ANO1: variants seen among roughly 807,000 people sequenced by gnomAD.
The protein encoded by ANO1 is anoctamin 1, also known as anoctamin-1.
In ANO1, 59 loss-of-function variants were observed where a neutral mutation model predicts 124.0. The observed-to-expected ratio is 0.48, with a 90% CI of 0.39 to 0.59. The LOEUF (loss-of-function observed/expected upper bound fraction) is 0.59, where lower values mean the gene tolerates loss of function less well. ANO1 is among the 20% of genes least tolerant of loss of function. ANO1 has a pLI of 0.00. For missense variants in ANO1, 1,059 were observed against 1,328.0 expected (o/e 0.80, Z 3.15); for synonymous variants, 529 against 532.0 (o/e 0.99, Z 0.08).
chr11:69,997,000 C>T (rs1377308392), intron 1 of ANO1, among the ~76,000 whole-genome samples: 1 of 152,144 alleles, frequency 6.6e-6, no homozygotes, highest in South Asian at 2.1e-4. Context: ...GGCCATGAGA[C>T]CTTAATGTGG....
At position 70,169,205 on chromosome 11, in the gene ANO1, T is replaced by C. The variant is rs551917160; in HGVS notation, c.2198-1682T>C. ...GATTTATTTTCCTAGTGGCTGGACA[T>C]CACGTCCCGAGTTCCTGACGGGTTT... On this transcript the variant is annotated intron_variant, in intron 21 of 25. Coordinates refer to ENST00000355303, the MANE Select transcript of ANO1 (RefSeq NM_018043.7). Among the ~76,000 whole-genome samples the C allele has an allele frequency of 2.0e-5, 3 of 152,224 alleles. No individual in the cohort carries two copies. The South Asian group carries it at 6.2e-4, about 32-fold the overall frequency.
At chr11:70,158,003 C>A (rs1372874965) in intron 16 of ANO1, among the ~76,000 whole-genome samples, 6 of 143,082 alleles carry the variant, frequency 4.2e-5, no homozygotes, top group East Asian at 2.0e-4. Flanking sequence ...AAAAAAAAAA[C>A]CTGTTTATGT....
intron 22 of ANO1, among the ~76,000 whole-genome samples, chr11:70,173,046 C>T (rs1382417067): frequency 6.6e-6 from 1 of 152,202 alleles, no homozygotes; most frequent in Non-Finnish European, 1.5e-5. Flanking sequence ...CCCCTAGTGG[C>T]AAGCCCAGCA....
At chr11:70,005,882 T>C (rs1163815686) in intron 1 of ANO1, among the ~76,000 whole-genome samples, 1 of 152,220 alleles carries the variant, frequency 6.6e-6, no homozygotes, top group East Asian at 1.9e-4. Context: ...ACGTGAAGAC[T>C]CTTCCTCTTT....
At chr11:69,970,662 C>G in the ANO1 span, among the ~76,000 whole-genome samples, 1 of 152,096 alleles carries the variant, frequency 6.6e-6, no homozygotes, top group African/African-American at 2.4e-5. Flanking sequence ...GAGTGGGGAC[C>G]CAGGGAAGGC....
chr11:70,176,999 A>G (rs2048727208), intron 22 of ANO1, among the ~76,000 whole-genome samples: 1 of 152,136 alleles, frequency 6.6e-6, no homozygotes, highest in Non-Finnish European at 1.5e-5. Flanking sequence ...GGACGTAGAT[A>G]TCCTGCAGAC....
At chr11:70,032,384 C>T (rs1399443237) in intron 1 of ANO1, among the ~76,000 whole-genome samples, 1 of 152,090 alleles carries the variant, frequency 6.6e-6, no homozygotes, top group Non-Finnish European at 1.5e-5. Context: ...CTGGGAGAAG[C>T]TGGGAATCTA....
Position 70,111,628 on chromosome 11 carries a change from C to G in ANO1, c.800-79C>G, listed in dbSNP as rs4980588. The stretch of plus-strand genomic sequence containing the variant: ...AGAAGCTCTTAGTGGCTGAGATGGC[C>G]CTGTGACCGCTGTGACTTTACAATG... On this transcript the variant is annotated intron_variant, in intron 6 of 25. Transcript: ENST00000355303. 2.8e-3 allele frequency: 3,944 copies of G among 1,402,220 alleles called. 13 individuals are homozygous for G. The highest frequency in any genetic ancestry group is 3.4e-3 in the Non-Finnish European group (3,408 of 988,970). 86.9% of individuals were successfully genotyped at this position (1,402,220 alleles called of 1,614,324 possible). A position where few individuals can be genotyped will look rare whatever the true frequency, so the allele number is the denominator to read the frequency against.
chr11:70,044,858 T>C (rs1857235739), intron 1 of ANO1, among the ~76,000 whole-genome samples: 1 of 152,168 alleles, frequency 6.6e-6, no homozygotes, highest in Admixed American at 6.5e-5. Flanking sequence ...TGATCTTAGA[T>C]TGAATCCTGG....
At chr11:70,101,381 C>T (rs2045266470) in intron 2 of ANO1, among the ~76,000 whole-genome samples, 1 of 151,788 alleles carries the variant, frequency 6.6e-6, no homozygotes, top group Non-Finnish European at 1.5e-5. Flanking sequence ...CATGGTGAAA[C>T]CCCGTCTCTA....
upstream of ANO1, among the ~76,000 whole-genome samples, chr11:69,983,339 G>A (rs978928460): frequency 1.3e-5 from 2 of 152,020 alleles, no homozygotes; most frequent in Non-Finnish European, 2.9e-5. Context: ...CTCCCTCGCC[G>A]CCTCGCCAAA....
chr11:69,985,892 A>AG (rs1371155372), upstream of ANO1: 1 of 151,992 alleles, frequency 6.6e-6, no homozygotes, highest in Admixed American at 6.5e-5. Context: ...GCCGAGGGGG[A>AG]GGAGCGGCGC....
chr11:70,161,991 G>C (rs1196419882), intron 18 of ANO1, among the ~76,000 whole-genome samples: 4 of 149,296 alleles, frequency 2.7e-5, no homozygotes, highest in Admixed American at 2.6e-4. Flanking sequence ...GTGAGGACCC[G>C]GGAGTGAGGG....
intron 2 of ANO1, among the ~76,000 whole-genome samples, chr11:70,091,149 G>T (rs1311620666): frequency 1.3e-5 from 2 of 152,218 alleles, no homozygotes; most frequent in African/African-American, 4.8e-5. Flanking sequence ...AGACAGAGCT[G>T]CTGCCGTGTT....
chr11:70,065,078 C>T (rs1329404984), intron 1 of ANO1: 2 of 152,264 alleles, frequency 1.3e-5, no homozygotes, highest in African/African-American at 4.8e-5. Flanking sequence ...GGACCTGAGG[C>T]TGCTTGGCTG....
At chr11:70,013,713 A>G (rs1295426210) in intron 1 of ANO1, among the ~76,000 whole-genome samples, 1 of 151,512 alleles carries the variant, frequency 6.6e-6, no homozygotes, top group Non-Finnish European at 1.5e-5. Context: ...GAGGCAGGAG[A>G]ATCGTCCAAA....
At chr11:70,060,026 C>T (rs1164437873) in intron 1 of ANO1, among the ~76,000 whole-genome samples, 2 of 117,440 alleles carry the variant, frequency 1.7e-5, no homozygotes, top group African/African-American at 3.3e-5. Flanking sequence ...CAGTAGGTTT[C>T]TGGTGTCCTT....
intron 11 of ANO1, among the ~76,000 whole-genome samples, chr11:70,140,535 G>GA (rs1046653519): frequency 1.2e-4 from 18 of 145,816 alleles, no homozygotes; most frequent in South Asian, 4.4e-4. Flanking sequence ...CTGTCTCAAG[G>GA]AAAAAAAAAA....
At chr11:69,997,337 A>G (rs1856290212) in intron 1 of ANO1, among the ~76,000 whole-genome samples, 2 of 151,774 alleles carry the variant, frequency 1.3e-5, no homozygotes, top group Admixed American at 1.3e-4. Flanking sequence ...CGGGTAAAAT[A>G]TAAGAAAATT....
Sources: gnomAD v4.1 joint callset for allele counts (sites outside exome capture counted in the v4.1 genomes callset) on GRCh38, gnomAD v4.1.1 for gene constraint, MANE v1.5 for transcripts, NCBI Gene and HGNC (gene_info 2026-07-23, HGNC 2026-07-21) for gene names.